DERA: variants seen among roughly 807,000 people sequenced by gnomAD.
The protein encoded by DERA is 2-deoxy-D-ribose 5-phosphate aldolase.
Under a neutral mutation model 41.1 loss-of-function variants are expected in DERA, and 15 were observed. The ratio of observed to expected loss-of-function variants is 0.37; its 90% confidence interval spans 0.24 to 0.56. The LOEUF (loss-of-function observed/expected upper bound fraction) is 0.56. DERA is among the 20% of genes least tolerant of loss of function. The pLI is 0.81. For missense variants in DERA, 396 were observed against 403.4 expected (o/e 0.98, Z 0.16); for synonymous variants, 139 against 137.4 (o/e 1.01, Z -0.08).
At position 16,026,997 on chromosome 12, in the gene DERA, G is replaced by T. The variant is rs1168970643; in HGVS notation, c.638-5545G>T. The stretch of plus-strand genomic sequence containing the variant: ...GATTTATTCCAGGTATGCAAGTCTG[G>T]TTCAACATAATGTAATCCATATCAG... On this transcript the variant is annotated intron_variant, in intron 6 of 8. Transcript: ENST00000428559. This position sits in a 1 kb window ranked among gnomAD's most constrained non-coding sequence, Gnocchi z 4.4. 6.6e-6 allele frequency among the ~76,000 whole-genome samples: 1 copy of T among 152,106 alleles called. No individual in the cohort carries two copies. Among genetic ancestry groups the T allele is most frequent in the Non-Finnish European group, 1.5e-5 (1 of 68,008 alleles).
chr12:15,947,670 A>G (rs1948461850), intron 1 of DERA, among the ~76,000 whole-genome samples: 1 of 152,152 alleles, frequency 6.6e-6, no homozygotes, highest in Admixed American at 6.5e-5. Context: ...CCAATTTGCC[A>G]GTCTGTGTCT....
chr12:15,916,440 CTGTTTCTTT>C (rs1948199752), intron 1 of DERA: 1 of 148,684 alleles, frequency 6.7e-6, no homozygotes, highest in Non-Finnish European at 1.5e-5. Flanking sequence ...AAAACCAATA[CTGTTTCTTT>C]TTTTTTTTTT....
chr12:15,955,352 C>T (rs984708918), intron 1 of DERA, among the ~76,000 whole-genome samples: 2 of 150,988 alleles, frequency 1.3e-5, no homozygotes, highest in South Asian at 2.1e-4. Flanking sequence ...TCTTACAGGT[C>T]TTAGATAAAT....
chr12:16,003,578 G>T lies in DERA; in HGVS notation c.637+21142G>T, dbSNP rs141612599. Among the ~76,000 whole-genome samples, 216 of 152,292 alleles carry T rather than the reference G, an allele frequency of 1.4e-3. No individual in the cohort carries two copies. The highest frequency in any genetic ancestry group is 4.9e-3 in the African/African-American group (202 of 41,560). On this transcript the variant is annotated intron_variant, in intron 6 of 8. Transcript: ENST00000428559. This position sits in a 1 kb window ranked among gnomAD's most constrained non-coding sequence, Gnocchi z 4.8. Reference sequence around the variant, plus strand: ...GTTTGGGTTAGAGAAGCCTACTACTGTAGGCTAGATGCCAACTAAAAACAA... The same window carrying T: ...GTTTGGGTTAGAGAAGCCTACTACTTTAGGCTAGATGCCAACTAAAAACAA...
intron 5 of DERA, 56 bp downstream of exon 5, chr12:15,963,003 T>G: frequency 6.4e-7 from 1 of 1,565,530 alleles, no homozygotes; most frequent in Non-Finnish European, 8.7e-7. Flanking sequence ...GTGAATCAGA[T>G]GATGAGGTAA....
At chr12:15,919,825 T>A (rs1184397921) in intron 1 of DERA, among the ~76,000 whole-genome samples, 1 of 152,106 alleles carries the variant, frequency 6.6e-6, no homozygotes, top group Non-Finnish European at 1.5e-5. Context: ...ACTTAACTGG[T>A]GTCTTTGTTC....
rs2136175378 is a variant in DERA, at chr12:16,004,745, GT to G, written c.637+22312del. On this transcript the variant is annotated intron_variant, in intron 6 of 8. Transcript: ENST00000428559. The surrounding 1 kb of genome is among the most constrained non-coding windows in gnomAD (Gnocchi z 4.2). ...TTTTTCAAAAACCAAGGTGGATTAT[GT>G]TTATTAAATGTTTTTAAAAATTTAA... Among the ~76,000 whole-genome samples, 1 of 152,128 alleles carries G rather than the reference GT, an allele frequency of 6.6e-6. No homozygotes were observed. The highest frequency in any genetic ancestry group is 1.9e-4 in the East Asian group (1 of 5,174).
At position 16,000,797 on chromosome 12, in the gene DERA, A is replaced by G. The variant is rs1439350765; in HGVS notation, c.637+18361A>G. 6.6e-6 allele frequency among the ~76,000 whole-genome samples: 1 copy of G among 152,210 alleles called. No homozygotes were observed. The highest frequency in any genetic ancestry group is 2.4e-5 in the African/African-American group (1 of 41,446). On this transcript the variant is annotated intron_variant, in intron 6 of 8. Transcript: ENST00000428559. The surrounding 1 kb of genome is among the most constrained non-coding windows in gnomAD (Gnocchi z 4.8). ...ATTTTTTAATAAAAAGAAAAAGCAT[A>G]TATGTTACCTCAGAGTCTGTAATGA...
intron 6 of DERA, among the ~76,000 whole-genome samples, chr12:16,031,636 G>C (rs7312592): frequency 0.9 from 136,882 of 152,212 alleles, 62,079 homozygotes; most frequent in Non-Finnish European, 0.96. Context: ...CTTTGTTTGG[G>C]TATCTGACTG....
chr12:15,997,155 A>G (rs1006100223), intron 6 of DERA, among the ~76,000 whole-genome samples: 1 of 152,206 alleles, frequency 6.6e-6, no homozygotes, highest in African/African-American at 2.4e-5. Context: ...TAATACTACA[A>G]GCATCAGTAA....
At chr12:15,912,803 C>G (rs1346358674) in intron 1 of DERA, among the ~76,000 whole-genome samples, 1 of 152,152 alleles carries the variant, frequency 6.6e-6, no homozygotes, top group Non-Finnish European at 1.5e-5. Flanking sequence ...TCTGCACTTC[C>G]AAGAGGTGTT....
intron 1 of DERA, among the ~76,000 whole-genome samples, chr12:15,948,685 A>G (rs1023486518): frequency 3.3e-5 from 5 of 152,134 alleles, no homozygotes; most frequent in East Asian, 1.9e-4. Context: ...ATCTGAAGCT[A>G]TCTTCTCTCA....
rs1462800898 is a variant in DERA at position 15,996,297 on chromosome 12, C to T, written c.637+13861C>T. On this transcript the variant is annotated intron_variant, in intron 6 of 8. Transcript: ENST00000428559. The surrounding 1 kb of genome is among the most constrained non-coding windows in gnomAD (Gnocchi z 4.7). ...TCTTGGGCTCGCTGTAACAGAGTAC[C>T]GCAAATTAGATGGCCTTAAGCAACA... 1.3e-5 allele frequency among the ~76,000 whole-genome samples: 2 copies of T among 151,836 alleles called. No individual in the cohort carries two copies. Among genetic ancestry groups the T allele is most frequent in the African/African-American group, 4.8e-5 (2 of 41,310 alleles).
chr12:16,022,215 G>A (rs1288530861), intron 6 of DERA, among the ~76,000 whole-genome samples: 1 of 152,158 alleles, frequency 6.6e-6, no homozygotes, highest in Admixed American at 6.5e-5. Context: ...ACAAGATCTG[G>A]TTGTTTAAAA....
In DERA at chr12:15,918,773, G is replaced by T. The variant is rs1427232868; in HGVS notation, c.31+7359G>T. Among the ~76,000 whole-genome samples the T allele has an allele frequency of 6.6e-6, 1 of 152,130 alleles. No individual in the cohort carries two copies. Among genetic ancestry groups the T allele is most frequent in the African/African-American group, 2.4e-5 (1 of 41,412 alleles). ...GCATGTTAAAACTGACAACAGGAAC[G>T]TGGTGGGATTGGAAGGATAAAGACG... On this transcript the variant is annotated intron_variant, in intron 1 of 8. Coordinates refer to ENST00000428559, the MANE Select transcript of DERA (RefSeq NM_015954.4). This position sits in a 1 kb window ranked among gnomAD's most constrained non-coding sequence, Gnocchi z 4.3.
Position 16,036,588 on chromosome 12 carries a change from A to T in DERA, c.901-102A>T. 1 of 1,064,418 alleles carries T rather than the reference A, an allele frequency of 9.4e-7. No homozygotes were observed. Among genetic ancestry groups the T allele is most frequent in the Non-Finnish European group, 1.4e-6 (1 of 730,610 alleles). The allele number at this position is 1,064,418 out of a possible 1,614,324, so 65.9% of individuals were successfully genotyped here. A position where few individuals can be genotyped will look rare whatever the true frequency, so the allele number is the denominator to read the frequency against. On this transcript the variant is annotated intron_variant, in intron 8 of 8. Transcript: ENST00000428559. This position sits in a 1 kb window ranked among gnomAD's most constrained non-coding sequence, Gnocchi z 4.9. ...CACATACTAGTGAGGCTTTCTAATG[A>T]AATGTTCATTAAAACTATTTATTAT...
At chr12:15,942,619 C>G (rs1431462324) in intron 1 of DERA, among the ~76,000 whole-genome samples, 1 of 152,148 alleles carries the variant, frequency 6.6e-6, no homozygotes, top group East Asian at 1.9e-4. Context: ...AATAGAGTAG[C>G]CACGAATATT....
chr12:15,920,727 T>G (rs1268730027), intron 1 of DERA, among the ~76,000 whole-genome samples: 1 of 152,210 alleles, frequency 6.6e-6, no homozygotes, highest in Non-Finnish European at 1.5e-5. Context: ...TTCCAGCTAC[T>G]CGCGAGGCTG....
intron 5 of DERA, among the ~76,000 whole-genome samples, chr12:15,964,462 T>A (rs1400346499): frequency 2.0e-5 from 3 of 152,216 alleles, no homozygotes; most frequent in Non-Finnish European, 4.4e-5. Context: ...GTATTTTGTG[T>A]TCCTTTTTTG....
Sources: allele counts gnomAD v4.1 joint callset (sites outside exome capture counted in the v4.1 genomes callset), GRCh38; gene constraint gnomAD v4.1.1; non-coding constraint Gnocchi (gnomAD v3.1); transcripts MANE v1.5; gene names NCBI Gene and HGNC (gene_info 2026-07-23, HGNC 2026-07-21).